Variants in FSTL4 observed in about 807,000 individuals in gnomAD.
The protein encoded by FSTL4 is follistatin-related protein 4.
A neutral mutation model predicts 78.2 loss-of-function variants in FSTL4; 28 were observed. The observed-to-expected ratio is 0.36, with a 90% CI of 0.27 to 0.49. FSTL4 has a LOEUF of 0.49. Ranked by LOEUF, FSTL4 falls within the 20% of genes least tolerant of loss-of-function variation. The probability of loss-of-function intolerance (pLI) is 0.98; values close to 1 mark genes in which losing one functional copy is unlikely to be tolerated. For missense variants in FSTL4, 922 were observed against 1,084.9 expected (o/e 0.85, Z 2.11); for synonymous variants, 422 against 440.5 (o/e 0.96, Z 0.53).
chr5:133,472,672 A>C (rs778645369), intron 3 of FSTL4, among the ~76,000 whole-genome samples: 1 of 152,264 alleles, frequency 6.6e-6, no homozygotes, highest in Non-Finnish European at 1.5e-5. Context: ...ACTCTCCAAC[A>C]TTGGCATCTC....
At chr5:133,317,343 C>T (rs890462786) in intron 4 of FSTL4, among the ~76,000 whole-genome samples, 1 of 152,216 alleles carries the variant, frequency 6.6e-6, no homozygotes, top group African/African-American at 2.4e-5. Flanking sequence ...GTTTATCTTG[C>T]TGGTGACGGG....
At chr5:133,332,716 T>C (rs1355159318) in intron 4 of FSTL4, among the ~76,000 whole-genome samples, 2 of 152,066 alleles carry the variant, frequency 1.3e-5, no homozygotes, top group African/African-American at 4.8e-5. Flanking sequence ...TACTGAGAAA[T>C]CATCTGGTAA....
the FSTL4 span, among the ~76,000 whole-genome samples, chr5:133,749,542 A>G: frequency 6.6e-6 from 1 of 152,254 alleles, no homozygotes; most frequent in South Asian, 2.1e-4. Flanking sequence ...TCAGTGAAAT[A>G]ACAGCCATGG....
chr5:133,805,563 G>A, the FSTL4 span, among the ~76,000 whole-genome samples: 4 of 152,286 alleles, frequency 2.6e-5, no homozygotes, highest in African/African-American at 9.6e-5. Flanking sequence ...TCAGTAAAAA[G>A]AAAATAAATA....
chr5:133,377,598 G>A (rs1452810985), intron 4 of FSTL4, among the ~76,000 whole-genome samples: 1 of 151,576 alleles, frequency 6.6e-6, no homozygotes, highest in African/African-American at 2.4e-5. Context: ...AGGACAGCTA[G>A]TTTACTAGGG....
At chr5:133,841,257 A>T in the FSTL4 span, among the ~76,000 whole-genome samples, 1 of 152,198 alleles carries the variant, frequency 6.6e-6, no homozygotes, top group Non-Finnish European at 1.5e-5. Context: ...CTCACTCACC[A>T]GCCCCACTAC....
intron 4 of FSTL4, among the ~76,000 whole-genome samples, chr5:133,357,486 G>T (rs1188836466): frequency 6.6e-6 from 1 of 152,202 alleles, no homozygotes; most frequent in African/African-American, 2.4e-5. Flanking sequence ...GAGCCAGGGA[G>T]CCAATTTCTA....
chr5:133,716,243 A>G, the FSTL4 span, among the ~76,000 whole-genome samples: 1 of 152,208 alleles, frequency 6.6e-6, no homozygotes, highest in Non-Finnish European at 1.5e-5. Flanking sequence ...CTGCACAAGC[A>G]AAAGTACAGA....
chr5:133,253,199 C>G (rs1417518950), intron 6 of FSTL4, among the ~76,000 whole-genome samples: 3 of 152,228 alleles, frequency 2.0e-5, no homozygotes, highest in African/African-American at 7.2e-5. Context: ...CTCCCCCTGG[C>G]GGGTCCTCCT....
chr5:133,272,331 C>T (rs903409030), intron 6 of FSTL4, among the ~76,000 whole-genome samples: 5 of 152,218 alleles, frequency 3.3e-5, no homozygotes, highest in Admixed American at 6.5e-5. Context: ...GCATTCTTAA[C>T]GCATTGTTTG....
intron 6 of FSTL4, among the ~76,000 whole-genome samples, chr5:133,284,710 A>G (rs1753090559): frequency 6.6e-6 from 1 of 152,166 alleles, no homozygotes; most frequent in Non-Finnish European, 1.5e-5. Context: ...ATGAACCCCC[A>G]CAGGCCAGTC....
chr5:133,340,644 A>C (rs895164799), intron 4 of FSTL4, among the ~76,000 whole-genome samples: 1 of 152,130 alleles, frequency 6.6e-6, no homozygotes, highest in Admixed American at 6.5e-5. Context: ...AAACACAAAA[A>C]CACAGTTGCA....
chr5:133,248,380 A>C (rs906510361), intron 7 of FSTL4: 1 of 152,174 alleles, frequency 6.6e-6, no homozygotes, highest in Admixed American at 6.5e-5. Context: ...CTGAGCCAAC[A>C]AGGCTAAGGC....
intron 3 of FSTL4, among the ~76,000 whole-genome samples, chr5:133,463,450 C>A (rs1192656788): frequency 6.6e-6 from 1 of 152,200 alleles, no homozygotes; most frequent in Non-Finnish European, 1.5e-5. Context: ...CTGTCCCTGT[C>A]GTATTTGGAC....
chr5:133,569,147 T>C (rs1760095002), intron 2 of FSTL4, among the ~76,000 whole-genome samples: 1 of 152,210 alleles, frequency 6.6e-6, no homozygotes, highest in Non-Finnish European at 1.5e-5. Context: ...ATTTTACTGT[T>C]TGTAATAGTT....
intron 3 of FSTL4, among the ~76,000 whole-genome samples, chr5:133,475,974 C>A (rs929244804): frequency 2.6e-5 from 4 of 152,088 alleles, no homozygotes; most frequent in African/African-American, 9.7e-5. Flanking sequence ...TCTTGTGGGG[C>A]TCTCTGAGAA....
chr5:133,217,609 A>T (rs1483555431), intron 12 of FSTL4, among the ~76,000 whole-genome samples: 1 of 152,172 alleles, frequency 6.6e-6, no homozygotes, highest in Non-Finnish European at 1.5e-5. Flanking sequence ...AGCAGCTTCC[A>T]GGTTCATGTT....
At chr5:133,327,672 A>T (rs1035561072) in intron 4 of FSTL4, among the ~76,000 whole-genome samples, 1 of 152,186 alleles carries the variant, frequency 6.6e-6, no homozygotes, top group African/African-American at 2.4e-5. Context: ...AGGCCAGTAT[A>T]AGGGCTTCAG....
At position 133,510,335 on chromosome 5, in the gene FSTL4, C is replaced by T. The variant is rs114598263; in HGVS notation, c.160+56851G>A. Among the ~76,000 whole-genome samples the T allele has an allele frequency of 5.9e-3, 904 of 152,232 alleles. 7 individuals are homozygous for T. Among genetic ancestry groups the T allele is most frequent in the African/African-American group, 0.02 (823 of 41,528 alleles). ...TCATATATTAACAAATCCACTGACC[C>T]CCAAAAGACCATGTGGTAAGTTAAA... is the stretch of plus-strand genomic sequence containing the variant. On this transcript the variant is annotated intron_variant, in intron 3 of 15. Coordinates refer to ENST00000265342, the MANE Select transcript of FSTL4 (RefSeq NM_015082.2).
Sources: gnomAD v4.1 joint callset for allele counts (sites outside exome capture counted in the v4.1 genomes callset) on GRCh38, gnomAD v4.1.1 for gene constraint, MANE v1.5 for transcripts, NCBI Gene and HGNC (gene_info 2026-07-23, HGNC 2026-07-21) for gene names.